NELL1: variants seen among roughly 807,000 people sequenced by gnomAD.
NELL1 encodes neural EGFL like 1.
NELL1 carries 76 observed loss-of-function variants against 107.4 expected under a neutral mutation model. That is an observed-to-expected ratio of 0.71 (90% CI 0.59 to 0.86). The LOEUF (loss-of-function observed/expected upper bound fraction) is 0.86. NELL1 is among the 40% of genes least tolerant of loss of function. NELL1 has a pLI of 0.00. For synonymous variants in NELL1, 353 were observed against 341.2 expected, an observed-to-expected ratio of 1.03 and a Z score of -0.38; for missense variants, 1,024 against 1,005.5, an observed-to-expected ratio of 1.02 and a Z score of -0.25.
At chr11:21,489,167 C>T (rs924028481) in intron 15 of NELL1, among the ~76,000 whole-genome samples, 2 of 150,696 alleles carry the variant, frequency 1.3e-5, no homozygotes, top group African/African-American at 4.9e-5. Context: ...ACTAACAAAC[C>T]CCAAAACATA....
intron 14 of NELL1, among the ~76,000 whole-genome samples, chr11:21,337,837 T>TTTTCTTTCTTTCTTTCTTTCTTTC (rs1555006223): frequency 4.6e-5 from 4 of 86,654 alleles, no homozygotes; most frequent in African/African-American, 9.4e-5. Context: ...TCTTTCTTTC[T>TTTTCTTTCTTTCTTTCTTTCTTTC]TTTCTTTCTT....
intron 12 of NELL1, among the ~76,000 whole-genome samples, chr11:21,013,922 G>T (rs1258584338): frequency 6.6e-6 from 1 of 151,944 alleles, no homozygotes; most frequent in African/African-American, 2.4e-5. Flanking sequence ...GTACTGGTCA[G>T]GTATTTTTTT....
At chr11:21,132,213 G>A (rs528495108) in intron 13 of NELL1, among the ~76,000 whole-genome samples, 1 of 152,202 alleles carries the variant, frequency 6.6e-6, no homozygotes, top group South Asian at 2.1e-4. Context: ...GTGCATGTCT[G>A]TGTGTGTATT....
chr11:21,306,903 G>T (rs1325124999), intron 14 of NELL1, among the ~76,000 whole-genome samples: 1 of 151,986 alleles, frequency 6.6e-6, no homozygotes, highest in Non-Finnish European at 1.5e-5. Context: ...TAGGAGCTAA[G>T]GTCAGCAGGC....
At chr11:20,764,763 A>G (rs1856494769) in intron 2 of NELL1, among the ~76,000 whole-genome samples, 1 of 58,914 alleles carries the variant, frequency 1.7e-5, no homozygotes, top group Admixed American at 1.7e-4. Flanking sequence ...GTCTGTGTTC[A>G]CAAAAGGCTG....
At chr11:20,855,939 T>C (rs1463686032) in intron 4 of NELL1, among the ~76,000 whole-genome samples, 1 of 152,244 alleles carries the variant, frequency 6.6e-6, no homozygotes, top group East Asian at 1.9e-4. Flanking sequence ...AGATCAGGGA[T>C]GCTGATGTCG....
chr11:21,303,396 G>A (rs1211275079), intron 14 of NELL1, among the ~76,000 whole-genome samples: 1 of 151,964 alleles, frequency 6.6e-6, no homozygotes, highest in Non-Finnish European at 1.5e-5. Flanking sequence ...AATCATCAGA[G>A]AAATGCAAAT....
chr11:20,800,349 C>T (rs2134001409), intron 3 of NELL1, among the ~76,000 whole-genome samples: 1 of 152,254 alleles, frequency 6.6e-6, no homozygotes, highest in South Asian at 2.1e-4. Flanking sequence ...ACAGTCTCAC[C>T]AGCATCTGTT....
intron 14 of NELL1, among the ~76,000 whole-genome samples, chr11:21,297,813 G>A (rs746970233): frequency 5.9e-5 from 9 of 151,898 alleles, no homozygotes; most frequent in South Asian, 2.1e-4. Context: ...GGACAGAGGC[G>A]GGGAAGGGAA....
chr11:21,480,771 G>C (rs923954617), intron 15 of NELL1, among the ~76,000 whole-genome samples: 2 of 152,198 alleles, frequency 1.3e-5, no homozygotes, highest in African/African-American at 2.4e-5. Context: ...CTTTCAGGCA[G>C]TTAATAATGT....
intron 1 of NELL1, among the ~76,000 whole-genome samples, chr11:20,677,393 A>C (rs1250087516): frequency 6.6e-6 from 1 of 152,026 alleles, no homozygotes; most frequent in Non-Finnish European, 1.5e-5. Context: ...CGCAGTCACC[A>C]CCTCTATAAA....
intron 2 of NELL1, among the ~76,000 whole-genome samples, chr11:20,783,425 C>G (rs2280360): frequency 6.6e-6 from 1 of 152,022 alleles, no homozygotes; most frequent in African/African-American, 2.4e-5. Flanking sequence ...GTGACAGAGA[C>G]AGCATTTCCG....
In NELL1 at chr11:20,847,791, T is replaced by C. The variant is rs771990032; in HGVS notation, c.506+38T>C. On this transcript the variant is annotated intron_variant, in intron 4 of 19. Transcript: ENST00000357134. Reference sequence around the variant, plus strand: ...CTTTGAGTGTTGCTGATTCTGCCCTTGAAATCAAGCAATGGAAAAGGGGAA... The same window carrying C: ...CTTTGAGTGTTGCTGATTCTGCCCTCGAAATCAAGCAATGGAAAAGGGGAA... 2.6e-6 allele frequency: 4 copies of C among 1,562,568 alleles called. No homozygotes were observed. In the African/African-American group the frequency reaches 4.1e-5, roughly 16 times the overall value.
chr11:21,004,995 C>T (rs1008914897), intron 12 of NELL1, among the ~76,000 whole-genome samples: 2 of 152,050 alleles, frequency 1.3e-5, no homozygotes, highest in African/African-American at 4.8e-5. Context: ...ATTAGGATAA[C>T]ATCCATCCAA....
At chr11:20,881,866 C>T (rs1849415174) in intron 4 of NELL1, among the ~76,000 whole-genome samples, 1 of 152,212 alleles carries the variant, frequency 6.6e-6, no homozygotes, top group Non-Finnish European at 1.5e-5. Context: ...ATAGCCAGCA[C>T]AGCACAGCAC....
intron 15 of NELL1, among the ~76,000 whole-genome samples, chr11:21,431,923 A>C (rs1467191436): frequency 6.6e-6 from 1 of 152,100 alleles, no homozygotes; most frequent in East Asian, 1.9e-4. Context: ...TACTAGCTGG[A>C]TGTGTGATTC....
chr11:21,228,885 T>G (rs1393758902), intron 13 of NELL1, among the ~76,000 whole-genome samples: 1 of 151,740 alleles, frequency 6.6e-6, no homozygotes, highest in African/African-American at 2.4e-5. Context: ...GTACAATGCT[T>G]AGCAGCATTC....
At chr11:21,073,529 C>T (rs1223705803) in intron 12 of NELL1, among the ~76,000 whole-genome samples, 1 of 152,154 alleles carries the variant, frequency 6.6e-6, no homozygotes, top group Non-Finnish European at 1.5e-5. Flanking sequence ...ACCTTTGAAT[C>T]TGCATGTCTT....
At chr11:21,121,027 C>A (rs1298393025) in intron 13 of NELL1, among the ~76,000 whole-genome samples, 1 of 152,102 alleles carries the variant, frequency 6.6e-6, no homozygotes, top group Non-Finnish European at 1.5e-5. Context: ...AGGGTTGAAT[C>A]ACTTGGAATC....
Sources: gnomAD v4.1 joint callset for allele counts (sites outside exome capture counted in the v4.1 genomes callset) on GRCh38, gnomAD v4.1.1 for gene constraint, MANE v1.5 for transcripts, NCBI Gene and HGNC (gene_info 2026-07-23, HGNC 2026-07-21) for gene names.